The following SIK2 variants were observed in gnomAD, a reference collection of about 807,000 sequenced individuals.
SIK2 encodes salt inducible kinase 2.
In SIK2, 29 loss-of-function variants were observed where a neutral mutation model predicts 103.2. That is an observed-to-expected ratio of 0.28 (90% CI 0.21 to 0.38). The LOEUF is 0.38. Among genes scored for constraint, SIK2 ranks in the 10% least tolerant of loss-of-function variants. SIK2 has a pLI of 1.00. For synonymous variants in SIK2, 412 were observed against 446.1 expected (o/e 0.92, Z 0.96); for missense variants, 879 against 1,171.0 (o/e 0.75, Z 3.64).
At chr11:111,639,933 A>C (rs1051284227) in intron 3 of SIK2, among the ~76,000 whole-genome samples, 1 of 152,180 alleles carries the variant, frequency 6.6e-6, no homozygotes, top group Non-Finnish European at 1.5e-5. Flanking sequence ...TCTAAGATTT[A>C]AGATTAAATC....
At position 111,719,998 on chromosome 11, in the gene SIK2, G is replaced by A; in HGVS notation, c.1490G>A (p.Gly497Glu). 6.2e-7 allele frequency: 1 copy of A among 1,612,948 alleles called. No homozygotes were observed. Among genetic ancestry groups the A allele is most frequent in the Non-Finnish European group, 8.5e-7 (1 of 1,179,454 alleles). ...ACCAATCAACTGGTCGTGATGCCTG[G>A]GGCAGGTACGGTAGAGGAGCGACAC... Reference protein sequence around the residue: ...EVTNQLVVMPGAGKIFSMNDS... With the variant: ...EVTNQLVVMPEAGKIFSMNDS... The change falls in exon 10 of 15, where the codon GGG becomes GAG. Residue 497 changes from glycine (G) to glutamate (E), a missense_variant. This residue lies in a region of SIK2 where 222 missense variants were observed against 258.0 expected (regional missense o/e 0.86). Transcript: ENST00000304987.
At chr11:111,636,442 G>T (rs1942109692) in intron 3 of SIK2, among the ~76,000 whole-genome samples, 1 of 152,142 alleles carries the variant, frequency 6.6e-6, no homozygotes, top group South Asian at 2.1e-4. Context: ...TGTCACACAT[G>T]GTACTAGGTG....
chr11:111,693,105 G>C (rs188886383), intron 4 of SIK2, among the ~76,000 whole-genome samples: 38 of 152,036 alleles, frequency 2.5e-4, no homozygotes, highest in Admixed American at 2.5e-3. Context: ...GGGCCAAGGT[G>C]GGCGGATCAC....
At chr11:111,603,560 A>G (rs1303941690) in intron 1 of SIK2, among the ~76,000 whole-genome samples, 1 of 152,028 alleles carries the variant, frequency 6.6e-6, no homozygotes, top group Admixed American at 6.5e-5. Flanking sequence ...ATTCTAATGC[A>G]CCGCACATAC....
At position 111,727,188 on chromosome 11, in the gene SIK2, G is replaced by A. The variant is rs1943999905; in HGVS notation, c.*3059G>A. The stretch of plus-strand genomic sequence containing the variant: ...CTGCCTTCTGTCACCGTGGGAAAAG[G>A]AGGCTGATGGTTCTCTACACCATCC... On this transcript the variant is annotated 3_prime_UTR_variant, in exon 15 of 15. Coordinates refer to ENST00000304987, the MANE Select transcript of SIK2 (RefSeq NM_015191.3). 2.7e-6 allele frequency: 2 copies of A among 734,704 alleles called. No individual in the cohort carries two copies. Among genetic ancestry groups the A allele is most frequent in the East Asian group, 5.3e-5 (2 of 37,754 alleles). 45.5% of individuals were successfully genotyped at this position (734,704 alleles called of 1,614,324 possible).
At chr11:111,709,500 G>A (rs1943439854) in intron 8 of SIK2, among the ~76,000 whole-genome samples, 1 of 152,214 alleles carries the variant, frequency 6.6e-6, no homozygotes, top group Non-Finnish European at 1.5e-5. Context: ...AAAGTCCAAA[G>A]AAGAGATTCA....
chr11:111,721,606 T>C (rs1943803368), intron 12 of SIK2, among the ~76,000 whole-genome samples: 1 of 152,206 alleles, frequency 6.6e-6, no homozygotes, highest in Non-Finnish European at 1.5e-5. Context: ...CAAGAGTCTT[T>C]GCTCTAGTAC....
chr11:111,720,991 G>A lies in SIK2; in HGVS notation c.1873G>A (p.Gly625Arg), dbSNP rs769529890. The A allele has an allele frequency of 6.8e-6, 11 of 1,614,050 alleles. No homozygotes were observed. The highest frequency in any genetic ancestry group is 1.7e-5 in the Admixed American group (1 of 60,008). The change falls in exon 12 of 15, where the codon GGA becomes AGA. Residue 625 changes from glycine to arginine, a missense_variant. Physicochemically the swap from Gly to Arg is moderately radical, Grantham distance 125. Coordinates refer to ENST00000304987, the MANE Select transcript of SIK2 (RefSeq NM_015191.3). ...AGTGCAGTTGTTGTATGAACAAATA[G>A]GACCGGAGGCAGACCCTAACCTGGC... is the stretch of plus-strand genomic sequence containing the variant. ...NKVQLLYEQI[G>R]PEADPNLAPA...
Position 111,703,359 on chromosome 11 carries a change from A to G in SIK2, c.884A>G (p.Glu295Gly), listed in dbSNP as rs1424920087. 1.2e-6 allele frequency: 2 copies of G among 1,613,972 alleles called. No homozygotes were observed. Among genetic ancestry groups the G allele is most frequent in the Non-Finnish European group, 1.7e-6 (2 of 1,179,994 alleles). ...QEQENEPSIGEFNEQVLRLMH... is the reference protein window; with the variant it reads ...QEQENEPSIGGFNEQVLRLMH... ...CAAGAAAATGAGCCATCCATCGGGG[A>G]GTTTAATGAGCAGGTTCTGCGACTG... Residue 295 changes from glutamate (E) to glycine (G), a missense_variant, in exon 7 of 15, where the codon GAG (glutamate) becomes GGG (glycine). Physicochemically the swap from Glu to Gly is moderately conservative, Grantham distance 98. Transcript: ENST00000304987.
intron 3 of SIK2, among the ~76,000 whole-genome samples, chr11:111,644,054 G>A (rs1264882233): frequency 6.6e-6 from 1 of 151,866 alleles, no homozygotes; most frequent in Non-Finnish European, 1.5e-5. Flanking sequence ...TTGGAAGGCT[G>A]AGGCGAGCGG....
At position 111,712,214 on chromosome 11, in the gene SIK2, C is replaced by A. The variant is rs1295450135; in HGVS notation, c.1105C>A (p.Gln369Lys). 4 of 1,613,996 alleles carry A rather than the reference C, an allele frequency of 2.5e-6. No homozygotes were observed. In the South Asian group the frequency reaches 4.4e-5, roughly 18 times the overall value. Residue 369 changes from glutamine (Q) to lysine (K), a missense_variant, in exon 9 of 15, where the codon CAG (glutamine) becomes AAG (lysine). Gln to Lys is a moderately conservative substitution (Grantham distance 53, BLOSUM62 1). Around this residue, in one of 7 missense-constraint regions of SIK2, gnomAD observed 222 missense variants for 258.0 expected, o/e 0.86. Transcript: ENST00000304987. ...TCTGTTCTTGCCATATTTACAGGCA[C>A]AGACTGTGGGGCTCCCAGTGACCAT... is the stretch of plus-strand genomic sequence containing the variant. ...TIAEQTVAKA[Q>K]TVGLPVTMHS...
rs1565398658 is a variant in SIK2, at chr11:111,723,509, C to T, written c.2161C>T (p.Arg721Ter). 1.9e-6 allele frequency: 3 copies of T among 1,600,674 alleles called. No individual in the cohort carries two copies. Among genetic ancestry groups the T allele is most frequent in the Admixed American group, 1.7e-5 (1 of 58,530 alleles). ...QLQEHRLQQK[R>*]LFLQKQSQLQ... ...TTACCAATTTAGGCTCCAGCAGAAGCGACTCTTTCTTCAGAAGCAGTCTCA... is the reference window on the plus strand; with the variant it reads ...TTACCAATTTAGGCTCCAGCAGAAGTGACTCTTTCTTCAGAAGCAGTCTCA... Residue 721 changes from arginine to a stop codon, truncating the protein, a stop_gained, in exon 15 of 15, where the codon CGA becomes TGA. Transcript: ENST00000304987. LOFTEE classifies it high-confidence loss of function.
chr11:111,711,857 T>G (rs1353095273), intron 8 of SIK2, among the ~76,000 whole-genome samples: 1 of 152,260 alleles, frequency 6.6e-6, no homozygotes, highest in Admixed American at 6.5e-5. Flanking sequence ...ATTCTTTATC[T>G]GTCTGGGTAT....
chr11:111,712,679 GGTTT>G (rs200217912), intron 9 of SIK2, among the ~76,000 whole-genome samples: 122 of 152,204 alleles, frequency 8.0e-4, no homozygotes, highest in Middle Eastern at 3.4e-3. Context: ...ACAAGTGTTT[GGTTT>G]GTTTGTTTGT....
At position 111,660,872 on chromosome 11, in the gene SIK2, G is replaced by A. The variant is rs1574556; in HGVS notation, c.317-27129G>A. Among the ~76,000 whole-genome samples, 3 of 116,366 alleles carry A rather than the reference G, an allele frequency of 2.6e-5. No homozygotes were observed. In the East Asian group the frequency reaches 6.7e-4, roughly 26 times the overall value. The allele number at this position is 116,366 out of a possible 152,430, so 76.3% of individuals were successfully genotyped here. On this transcript the variant is annotated intron_variant, in intron 3 of 14. Transcript: ENST00000304987. Reference sequence around the variant, plus strand: ...TTTTTTTTTTTTTTTTTTAGTTCTTGTTTTGTTTAAGAGATGAGGTCACAC... The same window carrying A: ...TTTTTTTTTTTTTTTTTTAGTTCTTATTTTGTTTAAGAGATGAGGTCACAC...
chr11:111,722,886 C>A lies in SIK2; in HGVS notation c.2147+130C>A. 2.6e-6 allele frequency: 2 copies of A among 758,852 alleles called. No individual in the cohort carries two copies. Among genetic ancestry groups the A allele is most frequent in the Non-Finnish European group, 2.1e-6 (1 of 466,398 alleles). The allele number at this position is 758,852 out of a possible 1,614,324, so 47.0% of individuals were successfully genotyped here. A position where few individuals can be genotyped will look rare whatever the true frequency, so the allele number is the denominator to read the frequency against. ...TAGGTTTTCTGCGTGTGTCACAGGC[C>A]CTCTGAGCACGATTACTAAGAGGAT... On this transcript the variant is annotated intron_variant, in intron 14 of 14. Coordinates refer to ENST00000304987, the MANE Select transcript of SIK2 (RefSeq NM_015191.3). The surrounding 1 kb of genome is among the most constrained non-coding windows in gnomAD (Gnocchi z 4.4).
intron 3 of SIK2, among the ~76,000 whole-genome samples, chr11:111,630,112 G>A (rs1199156631): frequency 3.9e-5 from 6 of 152,142 alleles, no homozygotes; most frequent in Non-Finnish European, 1.5e-5. Context: ...ACAAATCGTA[G>A]TATAGTAATA....
At chr11:111,718,434 G>A (rs909046764) in intron 9 of SIK2, among the ~76,000 whole-genome samples, 3 of 152,214 alleles carry the variant, frequency 2.0e-5, no homozygotes, top group African/African-American at 4.8e-5. Flanking sequence ...AGATTGGCCA[G>A]TGTGGAAAGG....
At chr11:111,607,420 A>G (rs1171910035) in intron 1 of SIK2, among the ~76,000 whole-genome samples, 1 of 152,250 alleles carries the variant, frequency 6.6e-6, no homozygotes, top group African/African-American at 2.4e-5. Context: ...AGAGAAAGGC[A>G]TATTACACCC....
Sources: allele counts gnomAD v4.1 joint callset (sites outside exome capture counted in the v4.1 genomes callset), GRCh38; gene constraint gnomAD v4.1.1; regional missense constraint gnomAD v4.1.1; non-coding constraint Gnocchi (gnomAD v3.1); transcripts MANE v1.5; gene names NCBI Gene and HGNC (gene_info 2026-07-23, HGNC 2026-07-21).